The following CDH10 variants were observed in gnomAD, a reference collection of about 807,000 sequenced individuals.
CDH10 encodes cadherin 10.
Under a neutral mutation model 73.1 loss-of-function variants are expected in CDH10, and 30 were observed. The observed-to-expected ratio is 0.41, with a 90% CI of 0.31 to 0.56. The LOEUF (loss-of-function observed/expected upper bound fraction) is 0.56, where lower values mean the gene tolerates loss of function less well. CDH10 is among the 20% of genes least tolerant of loss of function. The pLI, the probability that CDH10 is intolerant of heterozygous loss-of-function variation, is 0.27. For synonymous variants in CDH10, 345 were observed against 348.2 expected (o/e 0.99, Z 0.10); for missense variants, 815 against 973.7 (o/e 0.84, Z 2.17).
At chr5:24,518,142 T>C (rs10050528) in intron 5 of CDH10, among the ~76,000 whole-genome samples, 3,338 of 152,294 alleles carry the variant, frequency 0.022, 132 homozygotes, top group African/African-American at 0.074. Flanking sequence ...TCTAAGCTTG[T>C]CCTAACTAAG....
chr5:24,564,182 T>C (rs528797928), intron 2 of CDH10, among the ~76,000 whole-genome samples: 8 of 152,326 alleles, frequency 5.3e-5, no homozygotes, highest in Admixed American at 1.3e-4. Context: ...ACCCTCTTCA[T>C]TGGACACAAC....
intron 1 of CDH10, among the ~76,000 whole-genome samples, chr5:24,620,028 T>C (rs947988702): frequency 6.6e-6 from 1 of 152,180 alleles, no homozygotes; most frequent in Non-Finnish European, 1.5e-5. Context: ...CAAAAAGAAA[T>C]ACCTTGTAGC....
intron 2 of CDH10, among the ~76,000 whole-genome samples, chr5:24,572,798 C>T (rs78695599): frequency 0.013 from 1,993 of 151,982 alleles, 50 homozygotes; most frequent in African/African-American, 0.046. Context: ...CTTTCTCACA[C>T]CATATTCACA....
chr5:24,608,398 T>A (rs558247364), intron 1 of CDH10, among the ~76,000 whole-genome samples: 1 of 152,236 alleles, frequency 6.6e-6, no homozygotes, highest in Admixed American at 6.5e-5. Flanking sequence ...GTTCAAGCGA[T>A]TCTCCTGACT....
intron 7 of CDH10, among the ~76,000 whole-genome samples, chr5:24,507,024 A>G (rs1742722582): frequency 6.6e-6 from 1 of 152,142 alleles, no homozygotes; most frequent in African/African-American, 2.4e-5. Flanking sequence ...TCTGTATTGG[A>G]AAGTTATGTG....
At chr5:24,522,218 T>A (rs1743361095) in intron 5 of CDH10, among the ~76,000 whole-genome samples, 1 of 151,982 alleles carries the variant, frequency 6.6e-6, no homozygotes, top group South Asian at 2.1e-4. Flanking sequence ...AAGATTAAAA[T>A]GTCACTGACA....
intron 1 of CDH10, among the ~76,000 whole-genome samples, chr5:24,624,286 T>A (rs572018303): frequency 2.6e-5 from 4 of 152,294 alleles, no homozygotes; most frequent in Non-Finnish European, 5.9e-5. Context: ...GTAAACTCTA[T>A]GAGGTCATAG....
In CDH10 at chr5:24,554,411, C is replaced by T. The variant is rs1398593542; in HGVS notation, c.232-16737G>A. 5.3e-5 allele frequency among the ~76,000 whole-genome samples: 8 copies of T among 151,576 alleles called. No homozygotes were observed. The South Asian group carries it at 6.2e-4, about 12-fold the overall frequency. ...TACATGCCTGTGAAACTTGGTGCTT[C>T]CTTTGAGATTTTATTTTCTCTGCAT... is the stretch of plus-strand genomic sequence containing the variant. On this transcript the variant is annotated intron_variant, in intron 2 of 11. Coordinates refer to ENST00000264463, the MANE Select transcript of CDH10 (RefSeq NM_006727.5).
At chr5:24,591,097 G>A (rs1442575799) in intron 2 of CDH10, among the ~76,000 whole-genome samples, 1 of 151,870 alleles carries the variant, frequency 6.6e-6, no homozygotes, top group Non-Finnish European at 1.5e-5. Context: ...TGTAATGTTT[G>A]TTTATTAAAA....
intron 1 of CDH10, among the ~76,000 whole-genome samples, chr5:24,603,958 A>C (rs1317924921): frequency 6.6e-6 from 1 of 152,236 alleles, no homozygotes; most frequent in Non-Finnish European, 1.5e-5. Flanking sequence ...CTACCAATCT[A>C]ATCAATGAGT....
intron 2 of CDH10, among the ~76,000 whole-genome samples, chr5:24,579,072 A>T (rs956666715): frequency 2.0e-5 from 3 of 152,050 alleles, no homozygotes; most frequent in Non-Finnish European, 4.4e-5. Context: ...AATTTACTAA[A>T]GGGGAAATAA....
intron 2 of CDH10, among the ~76,000 whole-genome samples, chr5:24,542,726 C>T (rs1744200699): frequency 6.6e-6 from 1 of 152,092 alleles, no homozygotes; most frequent in Non-Finnish European, 1.5e-5. Context: ...GACCAAGGTG[C>T]CAACAGATTC....
At chr5:24,499,833 C>T (rs963517673) in intron 8 of CDH10, among the ~76,000 whole-genome samples, 1 of 152,102 alleles carries the variant, frequency 6.6e-6, no homozygotes, top group African/African-American at 2.4e-5. Flanking sequence ...TTTCTAGGCA[C>T]TTATGCTGGC....
At chr5:24,531,125 A>G (rs73743622) in intron 5 of CDH10, among the ~76,000 whole-genome samples, 1,538 of 152,102 alleles carry the variant, frequency 0.01, 29 homozygotes, top group African/African-American at 0.035. Context: ...TTCTCCCTCT[A>G]TTGGTGGCTA....
At chr5:24,558,981 AATCTC>A (rs1421326406) in intron 2 of CDH10, among the ~76,000 whole-genome samples, 2 of 151,852 alleles carry the variant, frequency 1.3e-5, no homozygotes, top group Non-Finnish European at 3.0e-5. Context: ...AGATTTTAGA[AATCTC>A]ATCTCTTAAA....
At chr5:24,546,823 C>T (rs1182379825) in intron 2 of CDH10, among the ~76,000 whole-genome samples, 3 of 152,044 alleles carry the variant, frequency 2.0e-5, no homozygotes, top group African/African-American at 7.2e-5. Context: ...GTACATTTTC[C>T]TTTTATCTAT....
intron 1 of CDH10, among the ~76,000 whole-genome samples, chr5:24,615,241 G>T (rs1357491886): frequency 6.6e-6 from 1 of 152,072 alleles, no homozygotes; most frequent in Non-Finnish European, 1.5e-5. Flanking sequence ...TGTTCCTTTT[G>T]CATGGAAATC....
At chr5:24,493,708 A>G (rs910437126) in intron 9 of CDH10, among the ~76,000 whole-genome samples, 1 of 151,874 alleles carries the variant, frequency 6.6e-6, no homozygotes, top group Non-Finnish European at 1.5e-5. Context: ...TACAATTTGT[A>G]TATTTTTTAC....
At chr5:24,599,669 A>C (rs1309998549) in intron 1 of CDH10, among the ~76,000 whole-genome samples, 1 of 152,146 alleles carries the variant, frequency 6.6e-6, no homozygotes, top group South Asian at 2.1e-4. Flanking sequence ...AAAAGCAATC[A>C]AAAGTATAAA....
Sources: allele counts gnomAD v4.1 joint callset (sites outside exome capture counted in the v4.1 genomes callset), GRCh38; gene constraint gnomAD v4.1.1; transcripts MANE v1.5; gene names NCBI Gene and HGNC (gene_info 2026-07-23, HGNC 2026-07-21).